UBAC2: variants seen among roughly 807,000 people sequenced by gnomAD.
UBAC2 encodes the protein UBA domain containing 2.
A neutral mutation model predicts 44.0 loss-of-function variants in UBAC2; 26 were observed. The observed-to-expected ratio is 0.59, with a 90% CI of 0.43 to 0.82. UBAC2 has a LOEUF of 0.82. UBAC2 is among the 40% of genes least tolerant of loss of function. The pLI, the probability that UBAC2 is intolerant of heterozygous loss-of-function variation, is 0.00. For missense variants in UBAC2, 329 were observed against 419.4 expected (o/e 0.78, Z 1.88); for synonymous variants, 155 against 154.3 (o/e 1.00, Z -0.04).
chr13:99,250,376 G>T (rs1332016586), intron 4 of UBAC2, among the ~76,000 whole-genome samples: 1 of 152,178 alleles, frequency 6.6e-6, no homozygotes, highest in African/African-American at 2.4e-5. Context: ...CTGTAGTTAT[G>T]AGGCTTTATT....
At chr13:99,358,226 T>G (rs962913608) in intron 7 of UBAC2, among the ~76,000 whole-genome samples, 4 of 152,168 alleles carry the variant, frequency 2.6e-5, no homozygotes, top group Admixed American at 2.0e-4. Context: ...TCTGTCGGAT[T>G]CTGAAAGCAA....
intron 6 of UBAC2, among the ~76,000 whole-genome samples, chr13:99,327,602 G>A (rs985212100): frequency 6.6e-6 from 1 of 152,116 alleles, no homozygotes; most frequent in East Asian, 1.9e-4. Context: ...AAATTAACAT[G>A]TCGTTTTGAA....
At position 99,305,484 on chromosome 13, in the gene UBAC2, A is replaced by C. The variant is rs74112032; in HGVS notation, c.390-8613A>C. 3.9e-3 allele frequency among the ~76,000 whole-genome samples: 591 copies of C among 152,334 alleles called. 4 individuals are homozygous for C. The highest frequency in any genetic ancestry group is 0.013 in the African/African-American group (547 of 41,564). On this transcript the variant is annotated intron_variant, in intron 4 of 8. Transcript: ENST00000403766. ...TTAGGTGCGAAGCTCTTTTAAATGT[A>C]AGCTTCTTGAGGATGATGACTTGAT...
chr13:99,208,116 G>GC (rs1425042473), intron 1 of UBAC2, among the ~76,000 whole-genome samples: 4 of 150,464 alleles, frequency 2.7e-5, no homozygotes, highest in Non-Finnish European at 4.4e-5. Flanking sequence ...TCCTGCCTCA[G>GC]CCCCCCAAGT....
chr13:99,285,229 C>T (rs978021344), intron 4 of UBAC2, among the ~76,000 whole-genome samples: 4 of 151,982 alleles, frequency 2.6e-5, no homozygotes, highest in African/African-American at 7.3e-5. Context: ...CTTTTGCATT[C>T]GATTGTGGTG....
At chr13:99,381,043 T>C (rs146556669) in intron 8 of UBAC2, among the ~76,000 whole-genome samples, 1 of 152,336 alleles carries the variant, frequency 6.6e-6, no homozygotes, top group African/African-American at 2.4e-5. Context: ...CCGCGGCACA[T>C]GTCGTTCATG....
chr13:99,317,374 C>G (rs1301789827), intron 5 of UBAC2, among the ~76,000 whole-genome samples: 1 of 152,078 alleles, frequency 6.6e-6, no homozygotes, highest in Non-Finnish European at 1.5e-5. Flanking sequence ...TTACCCTGAG[C>G]ACAACTCTAA....
intron 3 of UBAC2, 90 bp downstream of exon 3, chr13:99,244,041 T>G: frequency 9.3e-7 from 1 of 1,072,448 alleles, no homozygotes; most frequent in South Asian, 1.8e-5. Context: ...TTGGTGTTGT[T>G]ATTTACAGTT....
chr13:99,207,905 C>T (rs1301509240), intron 1 of UBAC2, among the ~76,000 whole-genome samples: 2 of 151,982 alleles, frequency 1.3e-5, no homozygotes, highest in African/African-American at 2.4e-5. Context: ...AGGAGCAAAC[C>T]GTGTTCCTAC....
chr13:99,243,102 A>G (rs2043338983), intron 2 of UBAC2, among the ~76,000 whole-genome samples: 1 of 152,144 alleles, frequency 6.6e-6, no homozygotes, highest in Non-Finnish European at 1.5e-5. Flanking sequence ...TGGAATTAAT[A>G]TTTGTTTTAC....
chr13:99,261,634 C>G (rs1330896716), intron 4 of UBAC2: 1 of 152,218 alleles, frequency 6.6e-6, no homozygotes, highest in South Asian at 2.1e-4. Context: ...TCACAGCAAA[C>G]AAGTTGAATC....
rs192346718 is a variant in UBAC2, at chr13:99,262,747, G to A, written c.389+18123G>A. Among the ~76,000 whole-genome samples the A allele has an allele frequency of 8.9e-3, 1,005 of 113,488 alleles. 6 individuals are homozygous for A. Among genetic ancestry groups the A allele is most frequent in the Middle Eastern group, 0.023 (5 of 216 alleles). The allele number at this position is 113,488 out of a possible 152,430, so 74.5% of individuals were successfully genotyped here. ...AAAAAAAAAAAAAAAAAAAGGACTT[G>A]TGGAAGGTAAAGGAACAAGAGATGT... On this transcript the variant is annotated intron_variant, in intron 4 of 8. Transcript: ENST00000403766.
chr13:99,248,939 G>A (rs1006214204), intron 4 of UBAC2, among the ~76,000 whole-genome samples: 5 of 152,074 alleles, frequency 3.3e-5, no homozygotes, highest in African/African-American at 1.2e-4. Flanking sequence ...ATTTTAATTA[G>A]TAGCATCTAC....
chr13:99,239,720 A>AT (rs1305637667), intron 2 of UBAC2, among the ~76,000 whole-genome samples: 2 of 152,232 alleles, frequency 1.3e-5, no homozygotes, highest in African/African-American at 4.8e-5. Context: ...AGGAATGGGA[A>AT]TAGCCACATC....
At chr13:99,345,043 A>G (rs1433294181) in intron 7 of UBAC2, among the ~76,000 whole-genome samples, 1 of 152,112 alleles carries the variant, frequency 6.6e-6, no homozygotes, top group Non-Finnish European at 1.5e-5. Context: ...AGATTTCAGG[A>G]AGTAGAAGGA....
intron 4 of UBAC2, among the ~76,000 whole-genome samples, chr13:99,245,081 G>A (rs1289151663): frequency 2.0e-5 from 3 of 152,136 alleles, no homozygotes; most frequent in East Asian, 1.9e-4. Flanking sequence ...TGATCCACCC[G>A]CCTCGGCCTC....
In UBAC2 at chr13:99,386,485, A is replaced by T. The variant is rs1299422654; in HGVS notation, c.*1150A>T. 6.6e-6 allele frequency: 1 copy of T among 152,240 alleles called. No individual in the cohort carries two copies. Among genetic ancestry groups the T allele is most frequent in the Non-Finnish European group, 1.5e-5 (1 of 68,044 alleles). The allele number at this position is 152,240 out of a possible 1,614,324, so 9.4% of individuals were successfully genotyped here. ...AATAAAGCCTTGTTCCAGGCTATAC[A>T]TATTTACCAGTCAACCAAATCCTCC... On this transcript the variant is annotated 3_prime_UTR_variant, in exon 9 of 9. Coordinates refer to ENST00000403766, the MANE Select transcript of UBAC2 (RefSeq NM_001144072.2).
At chr13:99,288,122 A>G (rs1321732870) in intron 4 of UBAC2, among the ~76,000 whole-genome samples, 1 of 152,174 alleles carries the variant, frequency 6.6e-6, no homozygotes. Context: ...TTAGGTCTCA[A>G]ACCTTTTGTA....
intron 7 of UBAC2, among the ~76,000 whole-genome samples, chr13:99,353,289 A>G (rs2045124089): frequency 6.6e-6 from 1 of 152,276 alleles, no homozygotes; most frequent in Non-Finnish European, 1.5e-5. Context: ...GTTTATCTCA[A>G]TCTGTACCTC....
Sources: gnomAD v4.1 joint callset for allele counts (sites outside exome capture counted in the v4.1 genomes callset) on GRCh38, gnomAD v4.1.1 for gene constraint, MANE v1.5 for transcripts, NCBI Gene and HGNC (gene_info 2026-07-23, HGNC 2026-07-21) for gene names.